SNX8: variants seen among roughly 807,000 people sequenced by gnomAD.
The protein encoded by SNX8 is sorting nexin 8.
A neutral mutation model predicts 51.6 loss-of-function variants in SNX8; 25 were observed. The ratio of observed to expected loss-of-function variants is 0.48; its 90% CI spans 0.35 to 0.68. The LOEUF (loss-of-function observed/expected upper bound fraction) is 0.68, where lower values mean the gene tolerates loss of function less well. Ranked by LOEUF, SNX8 falls within the 30% of genes least tolerant of loss-of-function variation. The pLI, the probability that SNX8 is intolerant of heterozygous loss-of-function variation, is 0.00. For missense variants in SNX8, 695 were observed against 624.0 expected, an observed-to-expected ratio of 1.11 and a Z score of -1.21; for synonymous variants, 324 against 277.0, an observed-to-expected ratio of 1.17 and a Z score of -1.68.
chr7:2,320,680 C>A (rs956132389), intron 1 of SNX8, among the ~76,000 whole-genome samples: 10 of 152,124 alleles, frequency 6.6e-5, no homozygotes, highest in Non-Finnish European at 1.3e-4. Context: ...GCCATGATTG[C>A]CCTGCTCCAC....
intron 2 of SNX8, among the ~76,000 whole-genome samples, chr7:2,275,727 G>A (rs934925828): frequency 3.3e-5 from 5 of 151,986 alleles, no homozygotes; most frequent in African/African-American, 9.7e-5. Flanking sequence ...GGCCGGGCGC[G>A]GTGGCTCACG....
intron 5 of SNX8, 39 bp from the exon 6 acceptor site, chr7:2,264,497 C>A (rs1183966455): frequency 1.9e-6 from 3 of 1,580,824 alleles, no homozygotes; most frequent in Non-Finnish European, 2.6e-6. Context: ...GTGTTAGTCG[C>A]TGGGGAGCAC....
chr7:2,303,316 G>C (rs559090286), intron 1 of SNX8, among the ~76,000 whole-genome samples: 1 of 146,970 alleles, frequency 6.8e-6, no homozygotes, highest in Admixed American at 6.8e-5. Flanking sequence ...CAGCCGCCCC[G>C]TCCGGGAGGG....
chr7:2,294,402 C>G (rs1470168199), intron 1 of SNX8, among the ~76,000 whole-genome samples: 1 of 152,158 alleles, frequency 6.6e-6, no homozygotes, highest in Non-Finnish European at 1.5e-5. Context: ...AGATTGGAGC[C>G]CTCATACAGT....
At chr7:2,259,211 C>T (rs114192792) in intron 7 of SNX8, among the ~76,000 whole-genome samples, 2,996 of 152,290 alleles carry the variant, frequency 0.02, 48 homozygotes, top group African/African-American at 0.042. Context: ...GCACAGCTCA[C>T]CACAGACCCC....
upstream of SNX8, among the ~76,000 whole-genome samples, chr7:2,315,264 GCATT>G (rs1186523722): frequency 1.0e-5 from 1 of 97,242 alleles, no homozygotes; most frequent in Non-Finnish European, 2.1e-5. Flanking sequence ...ACTGCATCCT[GCATT>G]CATTCACCCA....
chr7:2,298,082 C>T (rs1309264373), intron 1 of SNX8, among the ~76,000 whole-genome samples: 1 of 152,012 alleles, frequency 6.6e-6, no homozygotes, highest in East Asian at 1.9e-4. Flanking sequence ...TGTTAAAGCA[C>T]CTAGCATGGT....
At position 2,278,107 on chromosome 7, in the gene SNX8, G is replaced by A. The variant is rs1452385283; in HGVS notation, c.293C>T (p.Ser98Phe). 2 of 1,612,530 alleles carry A rather than the reference G, an allele frequency of 1.2e-6. No homozygotes were observed. Among genetic ancestry groups the A allele is most frequent in the East Asian group, 4.5e-5 (2 of 44,834 alleles). Residue 98 changes from serine to phenylalanine, a missense_variant, in exon 2 of 11, where the codon TCC becomes TTC. Physicochemically the swap from Ser to Phe is radical, Grantham distance 155. Coordinates refer to ENST00000222990, the MANE Select transcript of SNX8 (RefSeq NM_013321.4). ...ACACAATTTGCCAGTTACCTGGCTG[G>A]AAACCTCATACTCCACATGCTTCAG... ...LFLKHVEYEV[S>F]SQRFKSSVYR...
intron 1 of SNX8, among the ~76,000 whole-genome samples, chr7:2,302,145 G>A (rs1796409701): frequency 6.6e-6 from 1 of 152,030 alleles, no homozygotes; most frequent in Admixed American, 6.6e-5. Flanking sequence ...GTCTCCCTCT[G>A]ATGCCGAGCC....
At chr7:2,266,514 T>A (rs529814851) in intron 5 of SNX8, among the ~76,000 whole-genome samples, 24 of 152,214 alleles carry the variant, frequency 1.6e-4, no homozygotes, top group South Asian at 8.3e-4. Context: ...ACCCAGCTAA[T>A]TTTTGTATTT....
chr7:2,328,373 G>A (rs530475564), intron 1 of SNX8, among the ~76,000 whole-genome samples: 4 of 151,414 alleles, frequency 2.6e-5, no homozygotes, highest in African/African-American at 9.7e-5. Flanking sequence ...TTTATTTTCT[G>A]TACAGACAGG....
In SNX8 at chr7:2,277,458, G is replaced by A. The variant is rs532831175; in HGVS notation, c.300+642C>T. On this transcript the variant is annotated intron_variant, in intron 2 of 10. Transcript: ENST00000222990. ...CCCACTATTACAAAGCGAGGCTGGT[G>A]TGGATCCCGCTTTGTGCTCTGTGGA... Among the ~76,000 whole-genome samples, 651 of 152,116 alleles carry A rather than the reference G, an allele frequency of 4.3e-3. 3 individuals are homozygous for A. Among genetic ancestry groups the A allele is most frequent in the Non-Finnish European group, 5.4e-3 (370 of 67,988 alleles).
At chr7:2,269,683 C>CTTTCTTGCTGCTAGT in intron 4 of SNX8, 44 bp from the exon 5 acceptor site, 5 of 1,380,164 alleles carry the variant, frequency 3.6e-6, no homozygotes, top group Non-Finnish European at 5.0e-6. Context: ...CTACTAGCAG[C>CTTTCTTGCTGCTAGT]AAGAAAGCTG....
At chr7:2,257,593 C>A (rs887659056) in intron 8 of SNX8, 79 bp from the exon 9 acceptor site, 4 of 1,582,458 alleles carry the variant, frequency 2.5e-6, no homozygotes, top group Non-Finnish European at 3.4e-6. Flanking sequence ...AGGGAAGCAC[C>A]CCCGCCAGAC....
intron 5 of SNX8, among the ~76,000 whole-genome samples, chr7:2,267,327 T>A (rs1038795969): frequency 2.5e-5 from 1 of 40,256 alleles, no homozygotes; most frequent in Admixed American, 2.3e-4. Context: ...CCCCTCCCCC[T>A]CCCCCTCTCC....
At chr7:2,274,701 C>A (rs1451088940) in intron 3 of SNX8, among the ~76,000 whole-genome samples, 2 of 152,230 alleles carry the variant, frequency 1.3e-5, no homozygotes, top group Non-Finnish European at 2.9e-5. Context: ...TCCCATGGTG[C>A]CCATGGCTCA....
intron 1 of SNX8, among the ~76,000 whole-genome samples, chr7:2,346,629 C>G (rs1334175860): frequency 4.7e-5 from 7 of 150,324 alleles, no homozygotes; most frequent in African/African-American, 1.7e-4. Flanking sequence ...ACCTGTAGTC[C>G]CAGCTACTTG....
At chr7:2,304,520 G>A (rs1186677507) in intron 1 of SNX8, among the ~76,000 whole-genome samples, 1 of 151,962 alleles carries the variant, frequency 6.6e-6, no homozygotes, top group Non-Finnish European at 1.5e-5. Flanking sequence ...CTCCAGCCTG[G>A]GCGACAGAGC....
At chr7:2,257,877 G>T in intron 7 of SNX8, 74 bp from the exon 8 acceptor site, 1 of 1,420,978 alleles carries the variant, frequency 7.0e-7, no homozygotes, top group Non-Finnish European at 9.9e-7. Context: ...TCAGACCCAA[G>T]CCTGGCCTGG....
Sources: allele counts gnomAD v4.1 joint callset (sites outside exome capture counted in the v4.1 genomes callset), GRCh38; gene constraint gnomAD v4.1.1; transcripts MANE v1.5; gene names NCBI Gene and HGNC (gene_info 2026-07-23, HGNC 2026-07-21).